The following MYO9A variants were observed in gnomAD, a reference collection of about 807,000 sequenced individuals.
MYO9A encodes the protein unconventional myosin-IXa.
In MYO9A, 103 loss-of-function variants were observed where a neutral mutation model predicts 293.3. That is an observed-to-expected ratio of 0.35 (90% confidence interval 0.30 to 0.41). MYO9A has a LOEUF of 0.41. Among genes scored for constraint, MYO9A ranks in the 10% least tolerant of loss-of-function variants. MYO9A has a pLI of 1.00. For missense variants in MYO9A, 2,685 were observed against 3,033.0 expected (o/e 0.89, Z 2.69); for synonymous variants, 1,001 against 1,035.7 (o/e 0.97, Z 0.64).
At chr15:71,966,645 A>C (rs2075884985) in intron 13 of MYO9A, among the ~76,000 whole-genome samples, 1 of 152,046 alleles carries the variant, frequency 6.6e-6, no homozygotes, top group Non-Finnish European at 1.5e-5. Context: ...TACCGCCAGA[A>C]ATACATCTCA....
intron 1 of MYO9A, 118 bp downstream of exon 1, chr15:72,117,562 C>A (rs114582540): frequency 0.047 from 17,691 of 372,612 alleles, 1,007 homozygotes; most frequent in East Asian, 0.23. Flanking sequence ...GGCGCAGACC[C>A]GCTCGCGGGG....
intron 35 of MYO9A, 87 bp downstream of exon 35, chr15:71,854,290 G>T: frequency 1.9e-6 from 2 of 1,073,064 alleles, no homozygotes; most frequent in Non-Finnish European, 2.6e-6. Flanking sequence ...CTAAGTAAAG[G>T]ATTGACATGT....
chr15:71,968,720 GA>G (rs951966948), intron 12 of MYO9A, among the ~76,000 whole-genome samples: 4 of 151,852 alleles, frequency 2.6e-5, no homozygotes, highest in Non-Finnish European at 5.9e-5. Flanking sequence ...TTCAAAAGAG[GA>G]AAAAAATCAT....
intron 22 of MYO9A, among the ~76,000 whole-genome samples, chr15:71,901,951 A>G (rs1567249293): frequency 3.9e-5 from 6 of 152,174 alleles, no homozygotes. Context: ...CTCACTGTCC[A>G]AAGTTATTAA....
chr15:71,863,226 GC>G (rs1437491323), intron 32 of MYO9A, among the ~76,000 whole-genome samples: 2 of 151,886 alleles, frequency 1.3e-5, no homozygotes, highest in South Asian at 2.1e-4. Context: ...GAACCACTGC[GC>G]CTGGCTAAAA....
intron 16 of MYO9A, among the ~76,000 whole-genome samples, chr15:71,935,993 A>G (rs1015656031): frequency 3.3e-5 from 5 of 152,108 alleles, no homozygotes; most frequent in Non-Finnish European, 5.9e-5. Flanking sequence ...AGATATAGCA[A>G]TGAACAAAAC....
chr15:71,881,237 T>C (rs1300684197), intron 28 of MYO9A, among the ~76,000 whole-genome samples: 1 of 152,098 alleles, frequency 6.6e-6, no homozygotes, highest in Non-Finnish European at 1.5e-5. Flanking sequence ...AGATTCTATG[T>C]AGCCCATTAC....
chr15:71,951,075 A>T (rs577372723), intron 15 of MYO9A, among the ~76,000 whole-genome samples: 1 of 152,334 alleles, frequency 6.6e-6, no homozygotes, highest in East Asian at 1.9e-4. Flanking sequence ...ATAAAAAAGC[A>T]AACAAAAAAG....
chr15:72,110,252 A>G (rs2080730343), intron 1 of MYO9A, among the ~76,000 whole-genome samples: 1 of 152,034 alleles, frequency 6.6e-6, no homozygotes, highest in Admixed American at 6.6e-5. Flanking sequence ...CCTGGCCAAC[A>G]TGGCAAAACC....
rs750462703 is a variant in MYO9A, at chr15:72,074,951, C to CTTTTTTT, written c.-71-28324_-71-28318dup. ...CAGTTAGAAATTTCATTTTCACTGC[C>CTTTTTTT]TTTTTTTTTTTTTTTTTTTTTTTTT... On this transcript the variant is annotated intron_variant, in intron 1 of 41. Transcript: ENST00000356056. 5.4e-3 allele frequency among the ~76,000 whole-genome samples: 285 copies of CTTTTTTT among 53,128 alleles called. 39 individuals carry two copies. The highest frequency in any genetic ancestry group is 6.6e-3 in the East Asian group (9 of 1,368). 34.9% of individuals were successfully genotyped at this position (53,128 alleles called of 152,430 possible).
intron 19 of MYO9A, among the ~76,000 whole-genome samples, chr15:71,909,845 T>C (rs1395992483): frequency 6.6e-6 from 1 of 152,008 alleles, no homozygotes. Context: ...TAGTATAATA[T>C]ACATAGGGCT....
At chr15:71,931,259 A>C (rs1267887953) in intron 18 of MYO9A, among the ~76,000 whole-genome samples, 1 of 152,236 alleles carries the variant, frequency 6.6e-6, no homozygotes, top group Non-Finnish European at 1.5e-5. Flanking sequence ...AAGTTCAAGA[A>C]AGTAGAACTC....
At chr15:71,901,455 T>A in intron 22 of MYO9A, 115 bp from the exon 23 acceptor site, 1 of 1,061,956 alleles carries the variant, frequency 9.4e-7, no homozygotes, top group Non-Finnish European at 1.3e-6. Context: ...GTGGCAGGCA[T>A]GTAAATGAAG....
At chr15:71,966,660 C>T (rs2075885366) in intron 13 of MYO9A, among the ~76,000 whole-genome samples, 1 of 152,072 alleles carries the variant, frequency 6.6e-6, no homozygotes, top group Admixed American at 6.6e-5. Context: ...ATCTCATAAT[C>T]ATCTGGATCC....
chr15:71,969,999 T>A (rs2075970756), intron 12 of MYO9A, among the ~76,000 whole-genome samples: 1 of 152,198 alleles, frequency 6.6e-6, no homozygotes, highest in African/African-American at 2.4e-5. Flanking sequence ...TGACCTAGCA[T>A]CAGTGGTATT....
intron 26 of MYO9A, chr15:71,889,643 A>C (rs1363204714): frequency 5.9e-5 from 9 of 151,832 alleles, no homozygotes; most frequent in Non-Finnish European, 1.3e-4. Context: ...ACCTCTGTGC[A>C]AATAAATTGA....
intron 1 of MYO9A, among the ~76,000 whole-genome samples, chr15:72,114,743 C>G (rs1365241816): frequency 9.6e-4 from 146 of 152,260 alleles, no homozygotes; most frequent in Non-Finnish European, 3.1e-4. Flanking sequence ...GGCAAGCACT[C>G]TAGACAGCAG....
intron 39 of MYO9A, among the ~76,000 whole-genome samples, chr15:71,831,298 CATTA>C (rs1267729015): frequency 1.5e-4 from 23 of 152,182 alleles, no homozygotes; most frequent in African/African-American, 5.3e-4. Context: ...ACATTTATCT[CATTA>C]ATTTATTGTT....
At chr15:72,031,518 T>C (rs2077869997) in intron 3 of MYO9A, among the ~76,000 whole-genome samples, 1 of 152,034 alleles carries the variant, frequency 6.6e-6, no homozygotes. Context: ...AAAACAATTA[T>C]AACAATACAC....
Sources: gnomAD v4.1 joint callset for allele counts (sites outside exome capture counted in the v4.1 genomes callset) on GRCh38, gnomAD v4.1.1 for gene constraint, MANE v1.5 for transcripts, NCBI Gene and HGNC (gene_info 2026-07-23, HGNC 2026-07-21) for gene names.